ABCC5: variants seen among roughly 807,000 people sequenced by gnomAD.
ABCC5 encodes ATP binding cassette subfamily C member 5, also known as ATP-binding cassette sub-family C member 5.
ABCC5 carries 61 observed loss-of-function variants against 160.9 expected under a neutral mutation model. The observed-to-expected ratio is 0.38, with a 90% CI of 0.31 to 0.47. The LOEUF is 0.47. Among genes scored for constraint, ABCC5 ranks in the 20% least tolerant of loss-of-function variants. ABCC5 has a pLI of 0.99. For missense variants in ABCC5, 1,308 were observed against 1,813.3 expected, an observed-to-expected ratio of 0.72 and a Z score of 5.06; for synonymous variants, 666 against 700.6, an observed-to-expected ratio of 0.95 and a Z score of 0.78.
At chr3:183,976,254 C>CA (rs576402352) in intron 10 of ABCC5, among the ~76,000 whole-genome samples, 1,528 of 149,438 alleles carry the variant, frequency 0.01, 11 homozygotes, top group Admixed American at 0.014. Context: ...CAAACAACAA[C>CA]AAAAAAAAAC....
chr3:183,967,584 AG>A, intron 12 of ABCC5, 110 bp downstream of exon 12: 2 of 910,130 alleles, frequency 2.2e-6, no homozygotes, highest in Non-Finnish European at 1.8e-6. Context: ...ATGCAGGCTG[AG>A]GGTTCATTTG....
At chr3:183,929,957 C>A (rs1445635724) in intron 26 of ABCC5, among the ~76,000 whole-genome samples, 1 of 152,010 alleles carries the variant, frequency 6.6e-6, no homozygotes, top group Non-Finnish European at 1.5e-5. Flanking sequence ...ATTATCTTTG[C>A]CACTGAGGAT....
chr3:183,981,722 C>G lies in ABCC5; in HGVS notation c.1147+5G>C, dbSNP rs377556356. On this transcript the variant is annotated splice_donor_5th_base_variant and intron_variant, in intron 8 of 29. Coordinates refer to ENST00000334444, the MANE Select transcript of ABCC5 (RefSeq NM_005688.4). Reference sequence around the variant, plus strand: ...CACATGCACATACAAAATCTTTAAACTCACTTTGAACACTCTGAGAAAATG... The same window carrying G: ...CACATGCACATACAAAATCTTTAAAGTCACTTTGAACACTCTGAGAAAATG... 1.9e-6 allele frequency: 3 copies of G among 1,608,678 alleles called. No individual in the cohort carries two copies.
Position 183,971,782 on chromosome 3 carries a change from G to C in ABCC5, c.1542C>G (p.Pro514=), listed in dbSNP as rs1395329537. 25 of 1,613,668 alleles carry C rather than the reference G, an allele frequency of 1.5e-5. No individual in the cohort carries two copies. Among genetic ancestry groups the C allele is most frequent in the Non-Finnish European group, 1.9e-5 (23 of 1,179,944 alleles). ...AAGCCCTCTTGTCTTTTTTCATTTT[G>C]GGGGTCAGCTTGGGCGAGTTCTGGA... ...SSIQNSPKLT[P]KMKKDKRASR... The change falls in exon 11 of 30, where the codon CCC becomes CCG. Residue 514 remains proline (P), a synonymous_variant. Coordinates refer to ENST00000334444, the MANE Select transcript of ABCC5 (RefSeq NM_005688.4).
intron 17 of ABCC5, among the ~76,000 whole-genome samples, chr3:183,955,374 C>T (rs909763844): frequency 3.9e-5 from 6 of 152,152 alleles, no homozygotes; most frequent in Non-Finnish European, 5.9e-5. Flanking sequence ...TGTTAATGCT[C>T]GTCAGTTGTG....
Position 183,928,805 on chromosome 3 carries a change from T to C in ABCC5, c.3875A>G (p.Asn1292Ser), listed in dbSNP as rs1356190459. 5 of 1,614,004 alleles carry C rather than the reference T, an allele frequency of 3.1e-6. No homozygotes were observed. The highest frequency in any genetic ancestry group is 2.7e-5 in the African/African-American group (2 of 74,898). Residue 1292 changes from asparagine (N) to serine (S), a missense_variant, in exon 27 of 30, where the codon AAC becomes AGC. Physicochemically the swap from Asn to Ser is conservative, Grantham distance 46. Transcript: ENST00000334444. ...GTVRSNLDPFNQYTEDQIWDA... is the reference protein window; with the variant it reads ...GTVRSNLDPFSQYTEDQIWDA... Reference sequence around the variant, plus strand: ...CCAAATCTGGTCTTCAGTGTACTGGTTGAAGGGGTCCAAATTTGATCTAGG... The same window carrying C: ...CCAAATCTGGTCTTCAGTGTACTGGCTGAAGGGGTCCAAATTTGATCTAGG...
chr3:183,920,553 C>T lies in ABCC5; in HGVS notation c.*747G>A, dbSNP rs572797603. The T allele has an allele frequency of 1.3e-5, 2 of 152,834 alleles. No individual in the cohort carries two copies. Among genetic ancestry groups the T allele is most frequent in the South Asian group, 4.1e-4 (2 of 4,830 alleles). The allele number at this position is 152,834 out of a possible 1,614,324, so 9.5% of individuals were successfully genotyped here. A position where few individuals can be genotyped will look rare whatever the true frequency, so the allele number is the denominator to read the frequency against. Reference sequence around the variant, plus strand: ...CGGCTCGGAGGAATGTCTCTGTGATCCCCATTCTTGATGGAGGGAGTGAAA... The same window carrying T: ...CGGCTCGGAGGAATGTCTCTGTGATTCCCATTCTTGATGGAGGGAGTGAAA... On this transcript the variant is annotated 3_prime_UTR_variant, in exon 30 of 30. Coordinates refer to ENST00000334444, the MANE Select transcript of ABCC5 (RefSeq NM_005688.4). The surrounding 1 kb of genome is among the most constrained non-coding windows in gnomAD (Gnocchi z 4.1).
At chr3:183,955,220 C>T (rs1251329320) in intron 17 of ABCC5, among the ~76,000 whole-genome samples, 2 of 152,194 alleles carry the variant, frequency 1.3e-5, no homozygotes, top group Non-Finnish European at 2.9e-5. Context: ...GACAGCTTTG[C>T]AGAGACATTT....
At chr3:183,962,533 T>C (rs1716859236) in intron 15 of ABCC5, among the ~76,000 whole-genome samples, 2 of 134,428 alleles carry the variant, frequency 1.5e-5, no homozygotes, top group African/African-American at 5.9e-5. Context: ...AGTTTTTTTC[T>C]TTTTTTTTTT....
At chr3:183,978,788 T>C (rs1303938095) in intron 8 of ABCC5, 137 bp from the exon 9 acceptor site, 1 of 935,496 alleles carries the variant, frequency 1.1e-6, no homozygotes, top group Non-Finnish European at 1.6e-6. Context: ...CCACTAAAGC[T>C]GGTATAAAAG....
In ABCC5 at chr3:183,926,576, C is replaced by T. The variant is rs1349708815; in HGVS notation, c.4047+754G>A. 4.0e-5 allele frequency among the ~76,000 whole-genome samples: 6 copies of T among 151,762 alleles called. No individual in the cohort carries two copies. In the East Asian group the frequency reaches 1.2e-3, roughly 30 times the overall value. ...AAAACAAAACAAAACAAAACAAAAC[C>T]ACGGATTTAATCAAATACTTGCCCC... On this transcript the variant is annotated intron_variant, in intron 28 of 29. Coordinates refer to ENST00000334444, the MANE Select transcript of ABCC5 (RefSeq NM_005688.4).
In ABCC5 at chr3:183,953,056, C is replaced by T. The variant is rs753287613; in HGVS notation, c.2667+30G>A. The T allele has an allele frequency of 2.1e-5, 34 of 1,596,860 alleles. No homozygotes were observed. The Admixed American group carries it at 5.3e-4, about 25-fold the overall frequency. On this transcript the variant is annotated intron_variant, in intron 18 of 29. Coordinates refer to ENST00000334444, the MANE Select transcript of ABCC5 (RefSeq NM_005688.4). ...GGAGAAACGGCCACATTCTTAGACA[C>T]AGAACTTTCCCATTTATGAGTAACC...
At position 183,958,023 on chromosome 3, in the gene ABCC5, C is replaced by T. The variant is rs555900927; in HGVS notation, c.2482+1710G>A. 1.7e-4 allele frequency among the ~76,000 whole-genome samples: 25 copies of T among 150,570 alleles called. No individual in the cohort carries two copies. In the South Asian group the frequency reaches 2.1e-3, roughly 13 times the overall value. On this transcript the variant is annotated intron_variant, in intron 17 of 29. Transcript: ENST00000334444. ...ATGCAGATCCGTGTGTACATCACAT[C>T]GGTTACATGCAGATCCGTGTGTAAA...
chr3:183,971,085 T>G (rs186069682), intron 11 of ABCC5, among the ~76,000 whole-genome samples: 1 of 152,204 alleles, frequency 6.6e-6, no homozygotes, highest in African/African-American at 2.4e-5. Context: ...ACTAATCTTG[T>G]GCTACCTGGG....
At chr3:183,957,528 G>A (rs76479143) in intron 17 of ABCC5, among the ~76,000 whole-genome samples, 24,443 of 141,476 alleles carry the variant, frequency 0.17, 2,496 homozygotes, top group East Asian at 0.36. Flanking sequence ...ATGCTTATCT[G>A]TGTGTACATC....
chr3:183,960,425 G>A (rs1015999430), intron 16 of ABCC5, among the ~76,000 whole-genome samples: 3 of 152,060 alleles, frequency 2.0e-5, no homozygotes, highest in Admixed American at 1.3e-4. Context: ...TGTCCCAATC[G>A]CAGTCACAGT....
rs1275558750 is a variant in ABCC5 at position 183,982,436 on chromosome 3, G to A, written c.999+15C>T. The A allele has an allele frequency of 6.2e-7, 1 of 1,611,040 alleles. No individual in the cohort carries two copies. Among genetic ancestry groups the A allele is most frequent in the South Asian group, 1.1e-5 (1 of 90,706 alleles). On this transcript the variant is annotated intron_variant, in intron 7 of 29. Transcript: ENST00000334444. This position sits in a 1 kb window ranked among gnomAD's most constrained non-coding sequence, Gnocchi z 5.2. ...AAGGAGAAGCTGCCAGGATTCAGCTGGGAGGCTTACTCACCATTGCTGGGT... is the reference window on the plus strand; with the variant it reads ...AAGGAGAAGCTGCCAGGATTCAGCTAGGAGGCTTACTCACCATTGCTGGGT...
intron 8 of ABCC5, among the ~76,000 whole-genome samples, chr3:183,981,026 T>G (rs1311439975): frequency 6.6e-6 from 1 of 152,214 alleles, no homozygotes; most frequent in Admixed American, 6.5e-5. Flanking sequence ...AACACTGTAT[T>G]TCTACTCCAA....
At chr3:183,932,442 G>A (rs2108766883) in intron 26 of ABCC5, among the ~76,000 whole-genome samples, 1 of 152,280 alleles carries the variant, frequency 6.6e-6, no homozygotes, top group East Asian at 1.9e-4. Context: ...GTAACTAAAG[G>A]TCAAGATCCA....
Sources: gnomAD v4.1 joint callset for allele counts (sites outside exome capture counted in the v4.1 genomes callset) on GRCh38, gnomAD v4.1.1 for gene constraint, Gnocchi (gnomAD v3.1) non-coding constraint, MANE v1.5 for transcripts, NCBI Gene and HGNC (gene_info 2026-07-23, HGNC 2026-07-21) for gene names.